Variants in BDH1 observed in about 807,000 individuals in gnomAD.
The protein encoded by BDH1 is D-beta-hydroxybutyrate dehydrogenase, mitochondrial.
BDH1 carries 30 observed loss-of-function variants against 33.1 expected under a neutral mutation model. That is an observed-to-expected ratio of 0.91 (90% CI 0.68 to 1.23). The LOEUF is 1.23. Among genes scored for constraint, BDH1 ranks in the 50% most tolerant of loss-of-function variants. BDH1 has a pLI of 0.00. For missense variants in BDH1, 443 were observed against 464.4 expected (o/e 0.95, Z 0.42); for synonymous variants, 190 against 183.6 (o/e 1.03, Z -0.28).
rs1711888357 is a variant in BDH1 at position 197,510,673 on chromosome 3, C to CGTGTGTGTGTGT, written c.*1221_*1222insACACACACACAC. On this transcript the variant is annotated 3_prime_UTR_variant, in exon 8 of 8. Transcript: ENST00000392379. ...GTGTGTGTGTGTGTGTGTGTGTGTACATGTGTGTAAGGTGTGTGTGTGTGT... is the reference window on the plus strand; with the variant it reads ...GTGTGTGTGTGTGTGTGTGTGTGTACGTGTGTGTGTGTATGTGTGTAAGGTGTGTGTGTGTGT... The CGTGTGTGTGTGT allele has an allele frequency of 2.5e-5, 1 of 40,044 alleles. No individual in the cohort carries two copies. The highest frequency in any genetic ancestry group is 5.7e-5 in the Non-Finnish European group (1 of 17,588). The allele number at this position is 40,044 out of a possible 1,614,324, so 2.5% of individuals were successfully genotyped here.
chr3:197,539,314 A>G (rs1413120831), intron 3 of BDH1, among the ~76,000 whole-genome samples: 1 of 151,982 alleles, frequency 6.6e-6, no homozygotes, highest in African/African-American at 2.4e-5. Context: ...TAAGTTTTGT[A>G]TTTTCAGTAG....
intron 5 of BDH1, chr3:197,529,164 G>C (rs900807703): frequency 6.6e-6 from 1 of 152,162 alleles, no homozygotes; most frequent in African/African-American, 2.4e-5. Flanking sequence ...AAAGCAGTTT[G>C]GGGATTTGAA....
Position 197,555,765 on chromosome 3 carries a change from G to C in BDH1, c.-196+16C>G, listed in dbSNP as rs537916905. On this transcript the variant is annotated intron_variant, in intron 1 of 7. Transcript: ENST00000392379. ...AATCCCGCCCGAGCTGCAGAGACGCGGACCCCTCCTCTTACCCAAAACCAA... is the reference window on the plus strand; with the variant it reads ...AATCCCGCCCGAGCTGCAGAGACGCCGACCCCTCCTCTTACCCAAAACCAA... 5.9e-5 allele frequency: 9 copies of C among 152,372 alleles called. No homozygotes were observed. The highest frequency in any genetic ancestry group is 1.3e-4 in the Admixed American group (2 of 15,304). 9.4% of individuals were successfully genotyped at this position (152,372 alleles called of 1,614,324 possible).
chr3:197,545,907 C>A (rs769076805), intron 3 of BDH1, among the ~76,000 whole-genome samples: 7 of 152,246 alleles, frequency 4.6e-5, no homozygotes, highest in East Asian at 1.9e-4. Flanking sequence ...GAGGCCAAGG[C>A]GGGTGGATCA....
intron 5 of BDH1, chr3:197,530,378 C>T (rs962429609): frequency 1.3e-5 from 2 of 152,108 alleles, no homozygotes; most frequent in African/African-American, 4.8e-5. Context: ...CTAAAGATAA[C>T]CAGTCTGACC....
At chr3:197,566,251 C>G (rs943032522) in intron 1 of BDH1, among the ~76,000 whole-genome samples, 4 of 152,204 alleles carry the variant, frequency 2.6e-5, no homozygotes, top group African/African-American at 9.6e-5. Flanking sequence ...AAAGTTTTGA[C>G]TGGAATGGTG....
chr3:197,552,049 C>T lies in BDH1; in HGVS notation c.-44+2513G>A, dbSNP rs975749728. 2.6e-5 allele frequency among the ~76,000 whole-genome samples: 4 copies of T among 152,348 alleles called. 1 individual carries two copies. Among genetic ancestry groups the T allele is most frequent in the African/African-American group, 7.2e-5 (3 of 41,580 alleles). ...GAAGGTTGATCTCCAACCCAACCTT[C>T]TCCCCTGAACTCAGACAACTGCGCA... On this transcript the variant is annotated intron_variant, in intron 2 of 7. Coordinates refer to ENST00000392379, the MANE Select transcript of BDH1 (RefSeq NM_203314.3).
chr3:197,512,011 G>A lies in BDH1; in HGVS notation c.916C>T (p.Leu306=). 4 of 1,614,054 alleles carry A rather than the reference G, an allele frequency of 2.5e-6. No individual in the cohort carries two copies. The highest frequency in any genetic ancestry group is 2.5e-6 in the Non-Finnish European group (3 of 1,180,000). The change falls in exon 8 of 8, where the codon CTG becomes TTG. Residue 306 remains leucine, a synonymous_variant. Transcript: ENST00000392379. ...SPVIDAVTHA[L]TATTPYTRYH... is the part of the protein sequence containing the mutation. Reference sequence around the variant, plus strand: ...CGGGTGTAGGGGGTGGTGGCGGTCAGGGCGTGTGTGACAGCATCGATGACA... The same window carrying A: ...CGGGTGTAGGGGGTGGTGGCGGTCAAGGCGTGTGTGACAGCATCGATGACA...
chr3:197,546,719 C>T (rs1485896027), intron 2 of BDH1, among the ~76,000 whole-genome samples: 1 of 152,166 alleles, frequency 6.6e-6, no homozygotes, highest in East Asian at 1.9e-4. Flanking sequence ...TCTAGCTGTG[C>T]CACCAAACAC....
At chr3:197,515,397 T>G in intron 6 of BDH1, 1 of 985,740 alleles carries the variant, frequency 1.0e-6, no homozygotes, top group Non-Finnish European at 1.2e-6. Flanking sequence ...ATCAGCGTCA[T>G]CCACGACCCC....
chr3:197,572,745 T>TAAAC (rs1248357471), intron 1 of BDH1, among the ~76,000 whole-genome samples: 1 of 152,100 alleles, frequency 6.6e-6, no homozygotes, highest in African/African-American at 2.4e-5. Flanking sequence ...TCTAAATAAA[T>TAAAC]AAATAAACAA....
intron 3 of BDH1, among the ~76,000 whole-genome samples, chr3:197,537,165 T>C (rs1715230450): frequency 6.6e-6 from 1 of 152,072 alleles, no homozygotes; most frequent in African/African-American, 2.4e-5. Context: ...ATTTTTGTAT[T>C]TTTTGCAGAG....
At chr3:197,535,520 C>T (rs1026302939) in intron 3 of BDH1, among the ~76,000 whole-genome samples, 8 of 152,176 alleles carry the variant, frequency 5.3e-5, no homozygotes, top group Non-Finnish European at 8.8e-5. Context: ...TCAGTGTCCT[C>T]GTCTACAATC....
chr3:197,569,707 C>T (rs1236902093), intron 1 of BDH1, among the ~76,000 whole-genome samples: 6 of 152,212 alleles, frequency 3.9e-5, no homozygotes, highest in Admixed American at 1.3e-4. Flanking sequence ...GTAAGACGTG[C>T]CTTTTGCCTT....
chr3:197,542,519 TGC>T (rs1253274277), intron 3 of BDH1, among the ~76,000 whole-genome samples: 4 of 136,862 alleles, frequency 2.9e-5, no homozygotes, highest in East Asian at 2.0e-4. Flanking sequence ...CTTTCTTGCT[TGC>T]TTTTTTTTTT....
intron 1 of BDH1, among the ~76,000 whole-genome samples, chr3:197,566,879 A>C (rs1580020790): frequency 1.3e-5 from 2 of 152,194 alleles, no homozygotes; most frequent in Middle Eastern, 3.4e-3. Flanking sequence ...GTCACTGAAA[A>C]CTGAGCTGTG....
rs999034457 is a variant in BDH1, at chr3:197,554,823, C to G, written c.-195-110G>C. The G allele has an allele frequency of 3.3e-5, 5 of 152,260 alleles. No homozygotes were observed. In the East Asian group the frequency reaches 5.8e-4, roughly 18 times the overall value. The allele number at this position is 152,260 out of a possible 1,614,324, so 9.4% of individuals were successfully genotyped here. On this transcript the variant is annotated intron_variant, in intron 1 of 7. Coordinates refer to ENST00000392379, the MANE Select transcript of BDH1 (RefSeq NM_203314.3). The surrounding 1 kb of genome is among the most constrained non-coding windows in gnomAD (Gnocchi z 4.4). ...CCGCGCGCAGGACGCACGCCCAAGG[C>G]GCCTGGGCCGCTAGGGACCGACCGG... is the stretch of plus-strand genomic sequence containing the variant.
At position 197,562,534 on chromosome 3, in the gene BDH1, A is replaced by C. The variant is rs531415206; in HGVS notation, c.-44+10647T>G. Among the ~76,000 whole-genome samples, 103 of 152,320 alleles carry C rather than the reference A, an allele frequency of 6.8e-4. 1 individual carries two copies. The highest frequency in any genetic ancestry group is 2.3e-3 in the African/African-American group (94 of 41,564). On this transcript the variant is annotated intron_variant, in intron 1 of 6. Coordinates refer to the BDH1 transcript ENST00000358186. ...AGTGGCCCTGCAGGGAAATCCCCAG[A>C]AAAATTTAATTTTAAAAATGGGTCA...
rs577835580 is a variant in BDH1, at chr3:197,514,080, C to T, written c.562+184G>A. The T allele has an allele frequency of 1.4e-3, 1,078 of 743,498 alleles. 4 individuals are homozygous for T. Among genetic ancestry groups the T allele is most frequent in the Non-Finnish European group, 2.0e-3 (957 of 480,964 alleles). The allele number at this position is 743,498 out of a possible 1,614,324, so 46.1% of individuals were successfully genotyped here. On this transcript the variant is annotated intron_variant, in intron 7 of 7. Coordinates refer to ENST00000392379, the MANE Select transcript of BDH1 (RefSeq NM_203314.3). The surrounding 1 kb of genome is among the most constrained non-coding windows in gnomAD (Gnocchi z 4.2). ...CTCTTACCTGCTCTGCTTCCTCCTC[C>T]CCTACCCGGCCACAGCCCCTCTGCC...
Sources: gnomAD v4.1 joint callset for allele counts (sites outside exome capture counted in the v4.1 genomes callset) on GRCh38, gnomAD v4.1.1 for gene constraint, Gnocchi (gnomAD v3.1) non-coding constraint, MANE v1.5 for transcripts, NCBI Gene and HGNC (gene_info 2026-07-23, HGNC 2026-07-21) for gene names.